Variants in STRN3 observed in about 807,000 individuals in gnomAD.
STRN3 encodes striatin-3.
In STRN3, 29 loss-of-function variants were observed where a neutral mutation model predicts 95.6. The ratio of observed to expected loss-of-function variants is 0.30; its 90% CI spans 0.23 to 0.41. STRN3 has a LOEUF of 0.41. Ranked by LOEUF, STRN3 falls within the 10% of genes least tolerant of loss-of-function variation. The pLI, the probability that STRN3 is intolerant of heterozygous loss-of-function variation, is 1.00. For synonymous variants in STRN3, 331 were observed against 357.6 expected (o/e 0.93, Z 0.84); for missense variants, 890 against 972.1 (o/e 0.92, Z 1.12).
At chr14:31,025,555 G>A in intron 1 of STRN3, 1 of 333,316 alleles carries the variant, frequency 3.0e-6, no homozygotes, top group Non-Finnish European at 5.7e-6. Flanking sequence ...AGTGTTGAGA[G>A]GCCCCAAACC....
In STRN3 at chr14:30,895,424, T is replaced by C. The variant is rs760127987; in HGVS notation, c.2381A>G (p.Lys794Arg). 1.8e-5 allele frequency: 29 copies of C among 1,603,584 alleles called. No homozygotes were observed. Among genetic ancestry groups the C allele is most frequent in the South Asian group, 1.4e-4 (13 of 90,278 alleles). ...IASAGADALA[K>R]VFV ...GTTTTTGTTGATTCATACAAATACT[T>C]TGGCAAGAGCATCAGCTCCTGCACT... Residue 794 changes from lysine (K) to arginine (R), a missense_variant, in exon 18 of 18, where the codon AAA becomes AGA. By Grantham distance (26) the Lys-to-Arg change is conservative (BLOSUM62 2). Transcript: ENST00000357479.
chr14:30,950,660 C>T (rs1263652884), intron 4 of STRN3, among the ~76,000 whole-genome samples: 1 of 152,058 alleles, frequency 6.6e-6, no homozygotes, highest in African/African-American at 2.4e-5. Flanking sequence ...GACATTCTAC[C>T]CTGCAAGTAA....
intron 5 of STRN3, among the ~76,000 whole-genome samples, chr14:30,945,656 T>C (rs1456688043): frequency 1.3e-5 from 2 of 152,114 alleles, no homozygotes; most frequent in Non-Finnish European, 2.9e-5. Context: ...AAACGTAGTA[T>C]ATCCACAATG....
chr14:30,935,807 T>C (rs1878788412), intron 6 of STRN3, among the ~76,000 whole-genome samples: 1 of 152,238 alleles, frequency 6.6e-6, no homozygotes, highest in Admixed American at 6.5e-5. Flanking sequence ...ACATATAGAA[T>C]GTGTCAAAAA....
At chr14:30,909,799 G>A (rs1896561910) in intron 13 of STRN3, among the ~76,000 whole-genome samples, 1 of 152,160 alleles carries the variant, frequency 6.6e-6, no homozygotes, top group South Asian at 2.1e-4. Context: ...CTTTAAAAGG[G>A]TGAATTTTGT....
intron 1 of STRN3, among the ~76,000 whole-genome samples, chr14:30,968,346 T>C (rs1594513932): frequency 7.0e-6 from 1 of 143,158 alleles, no homozygotes; most frequent in South Asian, 2.2e-4. Context: ...AAGAACGTTA[T>C]ATGGTAAATT....
rs757616752 is a variant in STRN3 at position 30,911,176 on chromosome 14, A to G, written c.1599-14T>C. On this transcript the variant is annotated splice_polypyrimidine_tract_variant and intron_variant, in intron 12 of 17. Transcript: ENST00000357479. ...AGAACAGGGCCGCTATTGTAGGAAG[A>G]GAGGAAAAACAAATTACTGATAAAT... The G allele has an allele frequency of 6.2e-7, 1 of 1,603,136 alleles. No individual in the cohort carries two copies. The highest frequency in any genetic ancestry group is 1.1e-5 in the South Asian group (1 of 88,296).
intron 3 of STRN3, among the ~76,000 whole-genome samples, chr14:30,953,662 C>CT (rs1879762242): frequency 6.6e-6 from 1 of 152,164 alleles, no homozygotes; most frequent in Non-Finnish European, 1.5e-5. Flanking sequence ...CAGGGTCTCA[C>CT]TTTGTCATCC....
intron 1 of STRN3, among the ~76,000 whole-genome samples, chr14:31,021,880 T>C (rs1197684974): frequency 6.6e-6 from 1 of 152,030 alleles, no homozygotes; most frequent in Non-Finnish European, 1.5e-5. Flanking sequence ...TGGAGGAGCA[T>C]AAAGAGAATT....
At chr14:30,944,587 G>A (rs1480927749) in intron 5 of STRN3, among the ~76,000 whole-genome samples, 12 of 131,838 alleles carry the variant, frequency 9.1e-5, no homozygotes, top group South Asian at 8.2e-4. Flanking sequence ...ACAGACACAC[G>A]CACATACATA....
chr14:30,941,260 A>C (rs572015424), intron 5 of STRN3, among the ~76,000 whole-genome samples: 4 of 152,300 alleles, frequency 2.6e-5, no homozygotes, highest in African/African-American at 9.6e-5. Context: ...CAAGCTGCTG[A>C]CTTAACTTCT....
Position 30,899,822 on chromosome 14 carries a change from G to A in STRN3, c.2137+2714C>T, listed in dbSNP as rs77504612. On this transcript the variant is annotated intron_variant, in intron 16 of 17. Coordinates refer to ENST00000357479, the MANE Select transcript of STRN3 (RefSeq NM_001083893.2). ...CATATCTTATACATGATAGTATCCA[G>A]TGCAGTATAGTACAAAATGCTGAAT... is the stretch of plus-strand genomic sequence containing the variant. Among the ~76,000 whole-genome samples, 878 of 151,064 alleles carry A rather than the reference G, an allele frequency of 5.8e-3. 4 individuals carry two copies. Among genetic ancestry groups the A allele is most frequent in the African/African-American group, 0.02 (840 of 41,026 alleles).
chr14:30,949,891 C>T (rs1879556066), intron 4 of STRN3, among the ~76,000 whole-genome samples: 1 of 152,068 alleles, frequency 6.6e-6, no homozygotes, highest in Non-Finnish European at 1.5e-5. Context: ...AATGTTTGGA[C>T]AGGAAACTAT....
chr14:30,908,470 A>G (rs746281837), intron 13 of STRN3, among the ~76,000 whole-genome samples: 3 of 152,172 alleles, frequency 2.0e-5, no homozygotes, highest in Non-Finnish European at 4.4e-5. Flanking sequence ...GTCTGACATG[A>G]AAGATTATCC....
chr14:30,901,684 A>C (rs1001294987), intron 16 of STRN3, among the ~76,000 whole-genome samples: 1 of 152,208 alleles, frequency 6.6e-6, no homozygotes, highest in African/African-American at 2.4e-5. Flanking sequence ...CTAGGTAATG[A>C]CTAGATAAAA....
chr14:30,910,217 A>G (rs1423470767), intron 13 of STRN3, among the ~76,000 whole-genome samples: 1 of 152,184 alleles, frequency 6.6e-6, no homozygotes, highest in Non-Finnish European at 1.5e-5. Context: ...ACCTTTCTTG[A>G]CTAACTCTTC....
At chr14:30,904,109 C>A (rs1463840485) in intron 15 of STRN3, among the ~76,000 whole-genome samples, 1 of 152,112 alleles carries the variant, frequency 6.6e-6, no homozygotes, top group Non-Finnish European at 1.5e-5. Context: ...CAGCCTAGTA[C>A]CCCAACTGTA....
chr14:31,004,774 G>GA (rs201143824), intron 1 of STRN3, among the ~76,000 whole-genome samples: 16 of 150,160 alleles, frequency 1.1e-4, no homozygotes, highest in East Asian at 7.8e-4. Context: ...ACTCCGTATT[G>GA]AAAAAAAAAA....
chr14:30,962,958 T>C (rs889543732), intron 1 of STRN3, among the ~76,000 whole-genome samples: 5 of 152,184 alleles, frequency 3.3e-5, no homozygotes, highest in Admixed American at 1.3e-4. Context: ...GAATAGGCTA[T>C]ACCACATAGC....
Sources: allele counts gnomAD v4.1 joint callset (sites outside exome capture counted in the v4.1 genomes callset), GRCh38; gene constraint gnomAD v4.1.1; transcripts MANE v1.5; gene names NCBI Gene and HGNC (gene_info 2026-07-23, HGNC 2026-07-21).